Variants in PDGFD observed in about 807,000 individuals in gnomAD.
PDGFD encodes the protein platelet-derived growth factor D.
A neutral mutation model predicts 44.7 loss-of-function variants in PDGFD; 30 were observed. The ratio of observed to expected loss-of-function variants is 0.67; its 90% CI spans 0.50 to 0.91. PDGFD has a LOEUF of 0.91. Among genes scored for constraint, PDGFD ranks in the 40% least tolerant of loss-of-function variants. The probability of loss-of-function intolerance (pLI) is 0.00; values close to 1 mark genes in which losing one functional copy is unlikely to be tolerated. For missense variants in PDGFD, 445 were observed against 457.8 expected (o/e 0.97, Z 0.25); for synonymous variants, 173 against 168.4 (o/e 1.03, Z -0.21).
intron 5 of PDGFD, among the ~76,000 whole-genome samples, chr11:103,929,745 G>T (rs560862511): frequency 1.3e-5 from 2 of 152,174 alleles, no homozygotes; most frequent in African/African-American, 4.8e-5. Flanking sequence ...ACTTCAAAGC[G>T]TGATTGCAGA....
intron 1 of PDGFD, among the ~76,000 whole-genome samples, chr11:104,109,650 C>T (rs1054983344): frequency 2.6e-5 from 4 of 151,974 alleles, no homozygotes; most frequent in Non-Finnish European, 4.4e-5. Context: ...AATGTCCATA[C>T]ACATGACAAT....
Position 103,971,936 on chromosome 11 carries a change from T to C in PDGFD, c.510+24129A>G, listed in dbSNP as rs115358218. Among the ~76,000 whole-genome samples, 519 of 152,336 alleles carry C rather than the reference T, an allele frequency of 3.4e-3. 1 individual carries two copies. The highest frequency in any genetic ancestry group is 0.011 in the African/African-American group (476 of 41,586). On this transcript the variant is annotated intron_variant, in intron 3 of 6. Coordinates refer to ENST00000393158, the MANE Select transcript of PDGFD (RefSeq NM_025208.5). ...TACAGTGAATCCTGAGGGAGGATTATAGAAGAAAATGGTGAAGGGAGGTTT... is the reference window on the plus strand; with the variant it reads ...TACAGTGAATCCTGAGGGAGGATTACAGAAGAAAATGGTGAAGGGAGGTTT...
chr11:104,027,081 C>T (rs984354337), intron 1 of PDGFD, among the ~76,000 whole-genome samples: 1 of 152,172 alleles, frequency 6.6e-6, no homozygotes, highest in Non-Finnish European at 1.5e-5. Context: ...TTTCTTTAAC[C>T]TCCAAGAACA....
intron 1 of PDGFD, among the ~76,000 whole-genome samples, chr11:104,005,607 C>A (rs1859689762): frequency 6.6e-6 from 1 of 152,188 alleles, no homozygotes; most frequent in Non-Finnish European, 1.5e-5. Flanking sequence ...ATTTCTGGAG[C>A]AACTATTGCC....
At chr11:103,986,896 A>G (rs1287268093) in intron 3 of PDGFD, among the ~76,000 whole-genome samples, 1 of 152,188 alleles carries the variant, frequency 6.6e-6, no homozygotes, top group Non-Finnish European at 1.5e-5. Context: ...AGTGCTTAAG[A>G]TATTTTGCAG....
Position 104,127,913 on chromosome 11 carries a change from T to C in PDGFD, c.124+35891A>G, listed in dbSNP as rs567470405. On this transcript the variant is annotated intron_variant, in intron 1 of 6. Coordinates refer to ENST00000393158, the MANE Select transcript of PDGFD (RefSeq NM_025208.5). The stretch of plus-strand genomic sequence containing the variant: ...TTAGCGTTAGTATTGGTATTTAGTG[T>C]TCTAATACATTTCATCTCTTTGCCT... Among the ~76,000 whole-genome samples the C allele has an allele frequency of 3.3e-5, 5 of 152,308 alleles. No homozygotes were observed. The South Asian group carries it at 1.0e-3, about 32-fold the overall frequency.
At chr11:104,037,733 T>C in intron 1 of PDGFD, 3 of 1,614,196 alleles carry the variant, frequency 1.9e-6, no homozygotes, top group Non-Finnish European at 2.5e-6. Context: ...CGTGTTCATC[T>C]AGCTCAGATT....
chr11:103,930,608 G>A (rs1481580828), intron 5 of PDGFD, among the ~76,000 whole-genome samples: 1 of 151,764 alleles, frequency 6.6e-6, no homozygotes, highest in Non-Finnish European at 1.5e-5. Context: ...TAGAGCCAGA[G>A]TTTGAATCCA....
chr11:104,140,066 CA>C (rs1279605011), intron 1 of PDGFD, among the ~76,000 whole-genome samples: 1 of 128,170 alleles, frequency 7.8e-6, no homozygotes, highest in Non-Finnish European at 1.7e-5. Context: ...GACTCCGTCT[CA>C]AAAAAAAAAA....
intron 1 of PDGFD, among the ~76,000 whole-genome samples, chr11:104,072,434 A>G (rs1262195249): frequency 2.6e-5 from 4 of 151,742 alleles, no homozygotes; most frequent in Non-Finnish European, 5.9e-5. Context: ...TCTATACTCC[A>G]TTTTTTAAAT....
chr11:104,108,513 G>T (rs12226384), intron 1 of PDGFD, among the ~76,000 whole-genome samples: 1 of 151,930 alleles, frequency 6.6e-6, no homozygotes, highest in African/African-American at 2.4e-5. Flanking sequence ...ACCATCTCAC[G>T]CCAGTTAGAA....
intron 1 of PDGFD, among the ~76,000 whole-genome samples, chr11:104,060,738 G>C (rs1860700230): frequency 2.0e-5 from 3 of 152,160 alleles, no homozygotes; most frequent in African/African-American, 7.2e-5. Flanking sequence ...TGGTGCTTCT[G>C]TGCGTGTATT....
intron 3 of PDGFD, among the ~76,000 whole-genome samples, chr11:103,972,130 A>G (rs947079865): frequency 1.3e-5 from 2 of 152,220 alleles, no homozygotes; most frequent in African/African-American, 4.8e-5. Flanking sequence ...TAAAATGTGT[A>G]CAAATCGCTT....
chr11:104,158,091 C>T (rs1862333468), intron 1 of PDGFD, among the ~76,000 whole-genome samples: 1 of 152,202 alleles, frequency 6.6e-6, no homozygotes, highest in Non-Finnish European at 1.5e-5. Context: ...TTCCTCAAGT[C>T]TATATTAGGT....
chr11:103,999,889 C>T (rs947553380), intron 2 of PDGFD, among the ~76,000 whole-genome samples, 162 bp downstream of exon 2: 3 of 141,014 alleles, frequency 2.1e-5, no homozygotes, highest in Admixed American at 7.0e-5. Context: ...CAGCAGTCTA[C>T]GCTATCTTGT....
intron 3 of PDGFD, among the ~76,000 whole-genome samples, chr11:103,993,095 G>C (rs1411734518): frequency 1.3e-5 from 2 of 151,904 alleles, no homozygotes; most frequent in African/African-American, 4.8e-5. Flanking sequence ...TTTTAGACAG[G>C]GTCTCACTCT....
At chr11:104,062,994 A>G (rs1860736641) in intron 1 of PDGFD, among the ~76,000 whole-genome samples, 2 of 152,158 alleles carry the variant, frequency 1.3e-5, no homozygotes, top group Non-Finnish European at 2.9e-5. Context: ...GAACCTCCAC[A>G]GTTTTGAGTT....
intron 3 of PDGFD, among the ~76,000 whole-genome samples, chr11:103,982,340 T>A (rs1441213998): frequency 6.6e-6 from 1 of 151,828 alleles, no homozygotes; most frequent in East Asian, 1.9e-4. Flanking sequence ...TTCAGCCCAG[T>A]TAAATATTTT....
intron 1 of PDGFD, among the ~76,000 whole-genome samples, chr11:104,123,096 A>G (rs992348602): frequency 9.9e-5 from 15 of 152,042 alleles, no homozygotes; most frequent in African/African-American, 3.6e-4. Flanking sequence ...TTTCCATGGT[A>G]GTGAAAATAT....
Sources: gnomAD v4.1 joint callset for allele counts (sites outside exome capture counted in the v4.1 genomes callset) on GRCh38, gnomAD v4.1.1 for gene constraint, MANE v1.5 for transcripts, NCBI Gene and HGNC (gene_info 2026-07-23, HGNC 2026-07-21) for gene names.